The following MMP2 variants were observed in gnomAD, a reference collection of about 807,000 sequenced individuals.
MMP2 encodes 72 kDa type IV collagenase.
MMP2 carries 39 observed loss-of-function variants against 74.8 expected under a neutral mutation model. The observed-to-expected ratio is 0.52, with a 90% confidence interval of 0.40 to 0.68. The LOEUF is 0.68. Ranked by LOEUF, MMP2 falls within the 30% of genes least tolerant of loss-of-function variation. The probability of loss-of-function intolerance (pLI) is 0.00; values close to 1 mark genes in which losing one functional copy is unlikely to be tolerated. For synonymous variants in MMP2, 367 were observed against 339.8 expected (o/e 1.08, Z -0.88); for missense variants, 803 against 878.3 (o/e 0.91, Z 1.08).
chr16:55,479,897 G>A (rs749850610), intron 1 of MMP2: 45 of 506,570 alleles, frequency 8.9e-5, no homozygotes, highest in Non-Finnish European at 1.4e-4. Context: ...CAGAGAGTGG[G>A]AGAGGGGTGA....
chr16:55,502,917 C>T (rs1191716047), intron 12 of MMP2, 29 bp downstream of exon 12: 2 of 1,563,136 alleles, frequency 1.3e-6, no homozygotes, highest in Non-Finnish European at 1.8e-6. Flanking sequence ...TCTCCGCTTT[C>T]TAGGACTCCC....
rs2241145 is a variant in MMP2 at position 55,488,288 on chromosome 16, G to C, written c.833-255G>C. Reference sequence around the variant, plus strand: ...AGGCAGGGTTCTAGAAGCCCTTGCTGTGTGCCAGGTGTCAATCATTTTGTT... The same window carrying C: ...AGGCAGGGTTCTAGAAGCCCTTGCTCTGTGCCAGGTGTCAATCATTTTGTT... On this transcript the variant is annotated intron_variant, in intron 5 of 12. Coordinates refer to ENST00000219070, the MANE Select transcript of MMP2 (RefSeq NM_004530.6). 243,789 of 528,814 alleles carry C rather than the reference G, an allele frequency of 0.46. 56,777 individuals are homozygous for C. Among genetic ancestry groups the C allele is most frequent in the South Asian group, 0.51 (25,397 of 49,628 alleles). 32.8% of individuals were successfully genotyped at this position (528,814 alleles called of 1,614,324 possible). A position where few individuals can be genotyped will look rare whatever the true frequency, so the allele number is the denominator to read the frequency against.
At position 55,505,576 on chromosome 16, in the gene MMP2, C is replaced by G; in HGVS notation, c.*134C>G. ...CAGCTAATCAGCATTCTCACTCCTA[C>G]CTGGTAATTTAAGATTCCAGAGAGT... On this transcript the variant is annotated 3_prime_UTR_variant, in exon 13 of 13. Coordinates refer to ENST00000219070, the MANE Select transcript of MMP2 (RefSeq NM_004530.6). 1 of 753,560 alleles carries G rather than the reference C, an allele frequency of 1.3e-6. No homozygotes were observed. The highest frequency in any genetic ancestry group is 1.5e-5 in the South Asian group (1 of 68,838). 46.7% of individuals were successfully genotyped at this position (753,560 alleles called of 1,614,324 possible).
Position 55,482,966 on chromosome 16 carries a change from A to G in MMP2, c.211A>G (p.Lys71Glu), listed in dbSNP as rs1431442572. The change falls in exon 2 of 13, where the codon AAG (lysine) becomes GAG (glutamate). Residue 71 changes from lysine to glutamate, a missense_variant. Lys to Glu is a moderately conservative substitution (Grantham distance 56). Around this residue, in one of 3 missense-constraint regions of MMP2, gnomAD observed 223 missense variants for 232.8 expected, o/e 0.96. Coordinates refer to ENST00000219070, the MANE Select transcript of MMP2 (RefSeq NM_004530.6). ...PKESCNLFVL[K>E]DTLKKMQKFF... ...GGAGAGCTGCAACCTGTTTGTGCTG[A>G]AGGACACACTAAAGAAGATGCAGAA... 6.2e-7 allele frequency: 1 copy of G among 1,614,188 alleles called. No homozygotes were observed. The highest frequency in any genetic ancestry group is 8.5e-7 in the Non-Finnish European group (1 of 1,180,032).
At position 55,505,493 on chromosome 16, in the gene MMP2, G is replaced by C; in HGVS notation, c.*51G>C. On this transcript the variant is annotated 3_prime_UTR_variant, in exon 13 of 13. Transcript: ENST00000219070. ...TCCTCTCCACTGCCTTCGATACACCGGGCCTGGAGAACTAGAGAAGGACCC... is the reference window on the plus strand; with the variant it reads ...TCCTCTCCACTGCCTTCGATACACCCGGCCTGGAGAACTAGAGAAGGACCC... 1.3e-6 allele frequency: 2 copies of C among 1,524,522 alleles called. No homozygotes were observed. The highest frequency in any genetic ancestry group is 1.8e-6 in the Non-Finnish European group (2 of 1,099,172). 94.4% of individuals were successfully genotyped at this position (1,524,522 alleles called of 1,614,324 possible). A position where few individuals can be genotyped will look rare whatever the true frequency, so the allele number is the denominator to read the frequency against.
chr16:55,498,466 G>A lies in MMP2; in HGVS notation c.1769+18G>A, dbSNP rs752012993. The A allele has an allele frequency of 1.9e-6, 3 of 1,613,922 alleles. No individual in the cohort carries two copies. The highest frequency in any genetic ancestry group is 1.3e-5 in the African/African-American group (1 of 74,918). ...TTCTGGAGGTAAGGGAGGGCGGTGGGTAGGACAGCAGCACAGTTGGCTGCG... is the reference window on the plus strand; with the variant it reads ...TTCTGGAGGTAAGGGAGGGCGGTGGATAGGACAGCAGCACAGTTGGCTGCG... On this transcript the variant is annotated intron_variant, in intron 11 of 12. Coordinates refer to ENST00000219070, the MANE Select transcript of MMP2 (RefSeq NM_004530.6).
chr16:55,500,844 C>A (rs1255884268), intron 11 of MMP2, among the ~76,000 whole-genome samples: 1 of 152,174 alleles, frequency 6.6e-6, no homozygotes, highest in African/African-American at 2.4e-5. Context: ...GAGAGAGAGC[C>A]CCAGAGTGAC....
At position 55,486,322 on chromosome 16, in the gene MMP2, CGTGTGTGT is replaced by C. The variant is rs35367564; in HGVS notation, c.832+561_832+568del. 3.9e-5 allele frequency among the ~76,000 whole-genome samples: 5 copies of C among 128,042 alleles called. No individual in the cohort carries two copies. The South Asian group carries it at 7.6e-4, about 20-fold the overall frequency. The allele number at this position is 128,042 out of a possible 152,430, so 84.0% of individuals were successfully genotyped here. A position where few individuals can be genotyped will look rare whatever the true frequency, so the allele number is the denominator to read the frequency against. ...GGTCCTGATGCTGCCTCTGCTAATG[CGTGTGTGT>C]GTGTGTGTGTGTGTGCCTGTGTGTG... On this transcript the variant is annotated intron_variant, in intron 5 of 12. Transcript: ENST00000219070.
intron 1 of MMP2, chr16:55,481,864 C>G (rs767648684): frequency 2.6e-6 from 2 of 764,570 alleles, no homozygotes; most frequent in South Asian, 1.4e-5. Flanking sequence ...ATCTTAGGTG[C>G]TTACCTAGCA....
intron 10 of MMP2, among the ~76,000 whole-genome samples, chr16:55,497,421 C>A (rs565629272): frequency 6.6e-6 from 1 of 152,078 alleles, no homozygotes; most frequent in African/African-American, 2.4e-5. Flanking sequence ...AGTTTTAGTT[C>A]GAATGTTTTA....
chr16:55,490,745 C>G (rs1373622588), intron 7 of MMP2, among the ~76,000 whole-genome samples: 1 of 152,170 alleles, frequency 6.6e-6, no homozygotes, highest in Non-Finnish European at 1.5e-5. Context: ...AGGAGGTTTT[C>G]TTATCCCCTG....
chr16:55,485,926 C>A, intron 5 of MMP2, 149 bp downstream of exon 5: 1 of 784,336 alleles, frequency 1.3e-6, no homozygotes, highest in Non-Finnish European at 2.1e-6. Context: ...TCAGTTCCCC[C>A]CCATCCTGAT....
chr16:55,482,064 G>A (rs17859855), intron 1 of MMP2, among the ~76,000 whole-genome samples: 1 of 152,126 alleles, frequency 6.6e-6, no homozygotes, highest in African/African-American at 2.4e-5. Flanking sequence ...GGATCTATCA[G>A]CCTCCCTGCT....
At chr16:55,502,995 C>A in intron 12 of MMP2, 107 bp downstream of exon 12, 1 of 898,810 alleles carries the variant, frequency 1.1e-6, no homozygotes, top group Non-Finnish European at 1.8e-6. Context: ...GGCAGGCAGG[C>A]GGCGCCCAGG....
chr16:55,480,218 C>A (rs534355246), intron 1 of MMP2, among the ~76,000 whole-genome samples: 17 of 152,212 alleles, frequency 1.1e-4, no homozygotes, highest in African/African-American at 3.9e-4. Flanking sequence ...CGGCACAGAT[C>A]CGGAGAGGGA....
chr16:55,505,895 C>G lies in MMP2; in HGVS notation c.*453C>G, dbSNP rs562314074. 307 of 189,350 alleles carry G rather than the reference C, an allele frequency of 1.6e-3. 1 individual carries two copies. Among genetic ancestry groups the G allele is most frequent in the Admixed American group, 0.015 (278 of 18,450 alleles). 11.7% of individuals were successfully genotyped at this position (189,350 alleles called of 1,614,324 possible). A position where few individuals can be genotyped will look rare whatever the true frequency, so the allele number is the denominator to read the frequency against. ...GGCATGGCCAGGTGGCCACTCCAGACCCCTGGCTTTTCACTGCTGGCTGCC... is the reference window on the plus strand; with the variant it reads ...GGCATGGCCAGGTGGCCACTCCAGAGCCCTGGCTTTTCACTGCTGGCTGCC... On this transcript the variant is annotated 3_prime_UTR_variant, in exon 13 of 13. Transcript: ENST00000219070.
chr16:55,481,501 G>T (rs572923123), intron 1 of MMP2: 4 of 222,456 alleles, frequency 1.8e-5, no homozygotes, highest in South Asian at 3.1e-4. Flanking sequence ...TTTGTGACCC[G>T]AACTGTATAT....
chr16:55,493,201 G>T lies in MMP2; in HGVS notation c.1380G>T (p.Thr460=). Reference sequence around the variant, plus strand: ...ACCTTGGCACCGGCCCCACCCCCACGCTGGGCCCTGTCACTCCTGAGATCT... The same window carrying T: ...ACCTTGGCACCGGCCCCACCCCCACTCTGGGCCCTGTCACTCCTGAGATCT... ...DIDLGTGPTP[T]LGPVTPEICK... is the part of the protein sequence containing the mutation. The change falls in exon 9 of 13, where the codon ACG becomes ACT. Residue 460 remains threonine (T), a synonymous_variant. Coordinates refer to ENST00000219070, the MANE Select transcript of MMP2 (RefSeq NM_004530.6). The T allele has an allele frequency of 6.2e-7, 1 of 1,613,704 alleles. No homozygotes were observed. Among genetic ancestry groups the T allele is most frequent in the African/African-American group, 1.3e-5 (1 of 74,912 alleles).
At position 55,505,509 on chromosome 16, in the gene MMP2, A is replaced by G. The variant is rs1246994472; in HGVS notation, c.*67A>G. ...CGATACACCGGGCCTGGAGAACTAG[A>G]GAAGGACCCGGAGGGGCCTGGCAGC... On this transcript the variant is annotated 3_prime_UTR_variant, in exon 13 of 13. Transcript: ENST00000219070. The G allele has an allele frequency of 2.8e-6, 4 of 1,414,944 alleles. No individual in the cohort carries two copies. In the East Asian group the frequency reaches 9.1e-5, roughly 32 times the overall value. 87.6% of individuals were successfully genotyped at this position (1,414,944 alleles called of 1,614,324 possible). A position where few individuals can be genotyped will look rare whatever the true frequency, so the allele number is the denominator to read the frequency against.
Sources: gnomAD v4.1 joint callset for allele counts (sites outside exome capture counted in the v4.1 genomes callset) on GRCh38, gnomAD v4.1.1 for gene constraint, gnomAD v4.1.1 regional missense constraint, MANE v1.5 for transcripts, NCBI Gene and HGNC (gene_info 2026-07-23, HGNC 2026-07-21) for gene names.